The following DDC variants were observed in gnomAD, a reference collection of about 807,000 sequenced individuals.
DDC encodes the protein aromatic-L-amino-acid decarboxylase.
In DDC, 43 loss-of-function variants were observed where a neutral mutation model predicts 60.0. The ratio of observed to expected loss-of-function variants is 0.72; its 90% CI spans 0.56 to 0.92. The LOEUF is 0.92. DDC is among the 40% of genes least tolerant of loss of function. The pLI is 0.00. For missense variants in DDC, 573 were observed against 620.2 expected, an observed-to-expected ratio of 0.92 and a Z score of 0.81; for synonymous variants, 232 against 234.6, an observed-to-expected ratio of 0.99 and a Z score of 0.10.
intron 6 of DDC, among the ~76,000 whole-genome samples, chr7:50,522,655 G>A (rs2043927850): frequency 6.6e-6 from 1 of 152,234 alleles, no homozygotes; most frequent in African/African-American, 2.4e-5. Context: ...AATGGAGGAA[G>A]TGTAGTATTC....
At chr7:50,534,648 A>G (rs1338696868) in intron 4 of DDC, among the ~76,000 whole-genome samples, 1 of 152,178 alleles carries the variant, frequency 6.6e-6, no homozygotes, top group African/African-American at 2.4e-5. Flanking sequence ...TGGAAAAGAA[A>G]TGGAAAAGTA....
chr7:50,558,909 G>A (rs1040874218), intron 1 of DDC, among the ~76,000 whole-genome samples: 1 of 152,190 alleles, frequency 6.6e-6, no homozygotes, highest in Non-Finnish European at 1.5e-5. Flanking sequence ...TGTGGCTTCG[G>A]GTGGGAGTGC....
chr7:50,506,801 G>C (rs2043411338), intron 6 of DDC, among the ~76,000 whole-genome samples: 1 of 152,180 alleles, frequency 6.6e-6, no homozygotes, highest in African/African-American at 2.4e-5. Context: ...GGTGCCAACG[G>C]GCTAACATCT....
In DDC at chr7:50,557,733, G is replaced by T. The variant is rs79028655; in HGVS notation, c.-29+7552C>A. Among the ~76,000 whole-genome samples the T allele has an allele frequency of 8.8e-3, 1,333 of 152,240 alleles. 19 individuals carry two copies. Among genetic ancestry groups the T allele is most frequent in the African/African-American group, 0.03 (1,262 of 41,534 alleles). On this transcript the variant is annotated intron_variant, in intron 1 of 14. Transcript: ENST00000444124. ...ATGCCACCCCACCATCACCATATAG[G>T]TCGCACCTATTGGGTCTGTCTCTCA...
intron 9 of DDC, among the ~76,000 whole-genome samples, chr7:50,484,928 G>A (rs1053273811): frequency 1.2e-4 from 18 of 152,102 alleles, no homozygotes; most frequent in African/African-American, 4.3e-4. Context: ...AGATAATAAA[G>A]GGTTCCCAGA....
At chr7:50,528,401 G>A in intron 5 of DDC, 121 bp from the exon 6 acceptor site, 1 of 1,227,290 alleles carries the variant, frequency 8.1e-7, no homozygotes, top group Non-Finnish European at 1.2e-6. Flanking sequence ...CGGCACAGGA[G>A]GCAGAACTGC....
At chr7:50,534,612 TAA>T (rs55868815) in intron 4 of DDC, among the ~76,000 whole-genome samples, 33 of 148,652 alleles carry the variant, frequency 2.2e-4, no homozygotes, top group East Asian at 7.9e-4. Context: ...CAAGACAAAA[TAA>T]AAAAAAAAAA....
intron 9 of DDC, among the ~76,000 whole-genome samples, chr7:50,482,145 G>A (rs1005401468): frequency 2.0e-5 from 3 of 152,142 alleles, no homozygotes; most frequent in Admixed American, 6.5e-5. Flanking sequence ...ATCTATCTAC[G>A]GCCGTATTCA....
chr7:50,479,902 T>G, intron 9 of DDC, 39 bp from the exon 10 acceptor site: 1 of 1,541,904 alleles, frequency 6.5e-7, no homozygotes, highest in Non-Finnish European at 9.0e-7. Context: ...GATAACCAAG[T>G]ACCCTAGACT....
intron 6 of DDC, among the ~76,000 whole-genome samples, chr7:50,515,112 C>T (rs1901312): frequency 0.73 from 110,558 of 151,960 alleles, 40,520 homozygotes; most frequent in East Asian, 0.8. Flanking sequence ...GCACATCAGA[C>T]TATCCAAAGT....
At chr7:50,523,560 A>G (rs1398457461) in intron 6 of DDC, among the ~76,000 whole-genome samples, 1 of 152,248 alleles carries the variant, frequency 6.6e-6, no homozygotes, top group East Asian at 1.9e-4. Flanking sequence ...AAATAAGCAC[A>G]TGAAATAATG....
chr7:50,561,302 TC>T (rs994096783), intron 1 of DDC, among the ~76,000 whole-genome samples: 5 of 152,070 alleles, frequency 3.3e-5, no homozygotes, highest in Non-Finnish European at 7.4e-5. Context: ...GGCCCTGTGT[TC>T]CCAGGCACTG....
intron 14 of DDC, among the ~76,000 whole-genome samples, chr7:50,459,860 C>T (rs1252773873): frequency 4.1e-5 from 6 of 147,294 alleles, no homozygotes; most frequent in Middle Eastern, 3.5e-3. Context: ...CCCGGCCAGC[C>T]GCCCCGTCCG....
intron 6 of DDC, among the ~76,000 whole-genome samples, chr7:50,508,724 G>T (rs1189026814): frequency 6.6e-6 from 1 of 152,150 alleles, no homozygotes; most frequent in African/African-American, 2.4e-5. Context: ...CCAGAAGGAC[G>T]CATATAGTCA....
chr7:50,467,841 A>C (rs1382638421), intron 12 of DDC, among the ~76,000 whole-genome samples: 1 of 152,226 alleles, frequency 6.6e-6, no homozygotes, highest in Non-Finnish European at 1.5e-5. Context: ...AGGCAGCCTG[A>C]TGGAGCTGCA....
chr7:50,534,435 A>G (rs1331310333), intron 4 of DDC, among the ~76,000 whole-genome samples: 4 of 152,170 alleles, frequency 2.6e-5, no homozygotes, highest in Non-Finnish European at 5.9e-5. Context: ...TGTCTCTACT[A>G]CAAATACAAA....
At chr7:50,494,707 G>A (rs1317526547) in intron 9 of DDC, among the ~76,000 whole-genome samples, 1 of 151,852 alleles carries the variant, frequency 6.6e-6, no homozygotes, top group Non-Finnish European at 1.5e-5. Flanking sequence ...TGTCGCCAAG[G>A]CTGGATTGCA....
At chr7:50,467,965 G>T (rs2042435181) in intron 12 of DDC, among the ~76,000 whole-genome samples, 1 of 152,222 alleles carries the variant, frequency 6.6e-6, no homozygotes, top group South Asian at 2.1e-4. Context: ...ATATCACACT[G>T]ACCTTATTTC....
rs1203591866 is a variant in DDC at position 50,472,456 on chromosome 7, G to T, written c.1042-2285C>A. Among the ~76,000 whole-genome samples, 3 of 152,112 alleles carry T rather than the reference G, an allele frequency of 2.0e-5. No individual in the cohort carries two copies. In the East Asian group the frequency reaches 5.8e-4, roughly 29 times the overall value. ...TCCACAATTGATCATTTTTAAACCT[G>T]TATTTTGTCCCATTTTTGATAAGCC... On this transcript the variant is annotated intron_variant, in intron 11 of 14. Transcript: ENST00000444124.
Sources: allele counts gnomAD v4.1 joint callset (sites outside exome capture counted in the v4.1 genomes callset), GRCh38; gene constraint gnomAD v4.1.1; transcripts MANE v1.5; gene names NCBI Gene and HGNC (gene_info 2026-07-23, HGNC 2026-07-21).